Variants in UNC5C observed in about 807,000 individuals in gnomAD.
The protein encoded by UNC5C is unc-5 netrin receptor C.
A neutral mutation model predicts 99.8 loss-of-function variants in UNC5C; 47 were observed. That is an observed-to-expected ratio of 0.47 (90% CI 0.37 to 0.60). The LOEUF (loss-of-function observed/expected upper bound fraction) is 0.60, where lower values mean the gene tolerates loss of function less well. Among genes scored for constraint, UNC5C ranks in the 20% least tolerant of loss-of-function variants. The pLI is 0.00. For missense variants in UNC5C, 1,062 were observed against 1,165.9 expected (o/e 0.91, Z 1.30); for synonymous variants, 487 against 452.2 (o/e 1.08, Z -0.98).
Position 95,219,285 on chromosome 4 carries a change from C to T in UNC5C, c.1329G>A (p.Thr443=), listed in dbSNP as rs781639616. 34 of 1,613,802 alleles carry T rather than the reference C, an allele frequency of 2.1e-5. No individual in the cohort carries two copies. Among genetic ancestry groups the T allele is most frequent in the East Asian group, 6.7e-5 (3 of 44,884 alleles). The part of the protein sequence containing the change: ...QDLLAVPPDL[T]SAAAMYRGPV... Reference sequence around the variant, plus strand: ...GTCCTCTGTACATGGCTGCAGCTGACGTGAGGTCTGGGGGTACAGCCAGCA... The same window carrying T: ...GTCCTCTGTACATGGCTGCAGCTGATGTGAGGTCTGGGGGTACAGCCAGCA... Residue 443 remains threonine, a synonymous_variant, in exon 9 of 16, where the codon ACG becomes ACA. Coordinates refer to ENST00000453304, the MANE Select transcript of UNC5C (RefSeq NM_003728.4).
intron 4 of UNC5C, among the ~76,000 whole-genome samples, chr4:95,256,698 A>AT (rs1491227763): frequency 0.039 from 4,774 of 121,856 alleles, 246 homozygotes; most frequent in African/African-American, 0.12. Context: ...AGAACTAAAT[A>AT]AATATATATA....
chr4:95,542,938 A>C (rs946557920), intron 1 of UNC5C, among the ~76,000 whole-genome samples: 2 of 152,144 alleles, frequency 1.3e-5, no homozygotes, highest in Non-Finnish European at 2.9e-5. Flanking sequence ...AAATTATCCC[A>C]TTACTAAGTT....
Sources: allele counts gnomAD v4.1 joint callset (sites outside exome capture counted in the v4.1 genomes callset), GRCh38; gene constraint gnomAD v4.1.1; transcripts MANE v1.5; gene names NCBI Gene and HGNC (gene_info 2026-07-23, HGNC 2026-07-21).